Variants in TP53I13 observed in about 807,000 individuals in gnomAD.
TP53I13 encodes the protein tumor protein p53-inducible protein 13.
In TP53I13, 27 loss-of-function variants were observed where a neutral mutation model predicts 39.1. The observed-to-expected ratio is 0.69, with a 90% confidence interval of 0.51 to 0.95. The LOEUF (loss-of-function observed/expected upper bound fraction) is 0.95. Among genes scored for constraint, TP53I13 ranks in the 40% least tolerant of loss-of-function variants. TP53I13 has a pLI of 0.00. For missense variants in TP53I13, 544 were observed against 520.4 expected, an observed-to-expected ratio of 1.05 and a Z score of -0.44; for synonymous variants, 230 against 224.6, an observed-to-expected ratio of 1.02 and a Z score of -0.22.
At chr17:29,566,895 C>T (rs1227823809), upstream of TP53I13, 6 of 1,490,936 alleles carry the variant, frequency 4.0e-6, no homozygotes, top group Non-Finnish European at 5.3e-6. Flanking sequence ...GTCCCCGGAG[C>T]CGCGGGCCGA....
the TP53I13 span, chr17:29,581,684 C>T: frequency 1.4e-6 from 2 of 1,401,300 alleles, no homozygotes; most frequent in Non-Finnish European, 2.0e-6. The surrounding 1 kb of genome is among the most constrained non-coding windows in gnomAD (Gnocchi z 4.8). Flanking sequence ...GTCCAGGTCC[C>T]ACCTGCCCAG....
Position 29,572,162 on chromosome 17 carries a change from T to C in TP53I13, c.534T>C (p.Ala178=). The change falls in exon 6 of 7, where the codon GCT becomes GCC. Residue 178 remains alanine (A), a synonymous_variant. Transcript: ENST00000301057. ...GCVQALALAF[A]LRSWRPPGTE... ...CTTAGGCCCTGGCTCTGGCCTTTGC[T>C]CTGCGGAGCTGGCGGCCCCCTGGCA... 6.2e-7 allele frequency: 1 copy of C among 1,608,066 alleles called. No individual in the cohort carries two copies. The highest frequency in any genetic ancestry group is 8.5e-7 in the Non-Finnish European group (1 of 1,176,700).
At chr17:29,578,990 T>C in the TP53I13 span, 1 of 1,613,708 alleles carries the variant, frequency 6.2e-7, no homozygotes, top group African/African-American at 1.3e-5. Context: ...TGCCGAGATC[T>C]AAGTCCAGAG....
chr17:29,572,938 G>A lies in TP53I13; in HGVS notation c.*14G>A. The A allele has an allele frequency of 1.4e-6, 2 of 1,434,768 alleles. No homozygotes were observed. The highest frequency in any genetic ancestry group is 1.4e-5 in the South Asian group (1 of 71,376). 88.9% of individuals were successfully genotyped at this position (1,434,768 alleles called of 1,614,324 possible). A position where few individuals can be genotyped will look rare whatever the true frequency, so the allele number is the denominator to read the frequency against. On this transcript the variant is annotated 3_prime_UTR_variant, in exon 7 of 7. Transcript: ENST00000301057. ...AGCTCGGAGTGACGGCCTGGGACCT[G>A]CCACTGTGGCGTGCGGCTCCTCCCC...
Position 29,572,263 on chromosome 17 carries a change from G to T in TP53I13, c.635G>T (p.Gly212Val), listed in dbSNP as rs890990572. The T allele has an allele frequency of 6.2e-7, 1 of 1,612,830 alleles. No individual in the cohort carries two copies. The highest frequency in any genetic ancestry group is 8.5e-7 in the Non-Finnish European group (1 of 1,180,004). The part of the protein sequence containing the change: ...AKRRRLRAAL[G>V]PQPTRSALRF... ...AGGCGGAGGCTGCGGGCTGCCCTTG[G>T]TCCCCAGCCCACTCGCTCAGCCCTG... Residue 212 changes from glycine (G) to valine (V), a missense_variant, in exon 6 of 7, where the codon GGT (glycine) becomes GTT (valine). Physicochemically the swap from Gly to Val is moderately radical, Grantham distance 109. Transcript: ENST00000301057.
rs1338801064 is a variant in TP53I13, at chr17:29,571,936, G to A, written c.392G>A (p.Arg131Lys). The A allele has an allele frequency of 1.2e-6, 2 of 1,613,050 alleles. No homozygotes were observed. The highest frequency in any genetic ancestry group is 1.1e-5 in the South Asian group (1 of 91,082). Residue 131 changes from arginine (R) to lysine (K), a missense_variant, in exon 5 of 7, where the codon AGG (arginine) becomes AAG (lysine). Arg to Lys is a conservative substitution (Grantham distance 26). Coordinates refer to ENST00000301057, the MANE Select transcript of TP53I13 (RefSeq NM_138349.4). ...GCCTGGGCTGCCCACTGGCTGATGA[G>A]GAGGCGGAGGAGGAAGCAGAGGAAG... ...EPAWAAHWLM[R>K]RRRRKQRKKK... is the part of the protein sequence containing the mutation.
Position 29,568,778 on chromosome 17 carries a change from C to T in TP53I13, c.20C>T (p.Ser7Leu). 6.3e-7 allele frequency: 1 copy of T among 1,595,332 alleles called. No individual in the cohort carries two copies. The highest frequency in any genetic ancestry group is 8.5e-7 in the Non-Finnish European group (1 of 1,178,100). Residue 7 changes from serine to leucine, a missense_variant, in exon 1 of 7, where the codon TCG becomes TTG. Physicochemically the swap from Ser to Leu is moderately radical, Grantham distance 145 (BLOSUM62 -2). Transcript: ENST00000301057. The surrounding 1 kb of genome is among the most constrained non-coding windows in gnomAD (Gnocchi z 4.5). MAPPPP[S>L]PQLLLLAALA... Reference sequence around the variant, plus strand: ...CTTGGAATGGCGCCTCCTCCGCCTTCGCCCCAACTGCTTCTCCTGGCAGCC... The same window carrying T: ...CTTGGAATGGCGCCTCCTCCGCCTTTGCCCCAACTGCTTCTCCTGGCAGCC...
At chr17:29,567,189 A>C, upstream of TP53I13, 1 of 190,926 alleles carries the variant, frequency 5.2e-6, no homozygotes, top group Non-Finnish European at 1.0e-5. The surrounding 1 kb of genome is among the most constrained non-coding windows in gnomAD (Gnocchi z 6.6). Context: ...CAATTGCAAC[A>C]AGTGGGAGCA....
At chr17:29,578,781 T>C in the TP53I13 span, 1 of 1,614,004 alleles carries the variant, frequency 6.2e-7, no homozygotes, top group Non-Finnish European at 8.5e-7. Context: ...AAGTCAAGGC[T>C]GAGGGCAGAG....
chr17:29,570,967 T>C (rs1468952256), intron 3 of TP53I13: 1 of 152,502 alleles, frequency 6.6e-6, no homozygotes, highest in Non-Finnish European at 1.5e-5. Context: ...TCTGAATCTA[T>C]CTCTGATAAT....
intron 3 of TP53I13, 160 bp downstream of exon 3, chr17:29,569,519 C>G: frequency 1.5e-6 from 1 of 653,910 alleles, no homozygotes; most frequent in South Asian, 1.9e-5. Context: ...AAGCCCAGGA[C>G]AGATCAGCCC....
At chr17:29,569,447 G>A (rs984481085) in intron 3 of TP53I13, 88 bp downstream of exon 3, 1 of 1,343,542 alleles carries the variant, frequency 7.4e-7, no homozygotes, top group Non-Finnish European at 1.0e-6. Flanking sequence ...TCTGCTGATC[G>A]GCCCCATTCC....
At position 29,572,614 on chromosome 17, in the gene TP53I13, T is replaced by C; in HGVS notation, c.986T>C (p.Leu329Pro). 1 of 1,590,948 alleles carries C rather than the reference T, an allele frequency of 6.3e-7. No homozygotes were observed. The highest frequency in any genetic ancestry group is 1.1e-5 in the South Asian group (1 of 88,304). The change falls in exon 6 of 7, where the codon CTC becomes CCC. Residue 329 changes from leucine (L) to proline (P), a missense_variant. Transcript: ENST00000301057. ...FLLVLLTLATLCTRLHRNFRR... is the reference protein window; with the variant it reads ...FLLVLLTLATPCTRLHRNFRR... ...CTGGTGCTGCTCACCCTGGCCACGC[T>C]CTGCACACGGCTGCACAGAAACTTC...
Position 29,571,684 on chromosome 17 carries a change from T to A in TP53I13, c.277T>A (p.Ser93Thr). 1.9e-6 allele frequency: 3 copies of A among 1,614,130 alleles called. No individual in the cohort carries two copies. Among genetic ancestry groups the A allele is most frequent in the Middle Eastern group, 3.3e-4 (2 of 6,062 alleles). The change falls in exon 4 of 7, where the codon TCC (serine) becomes ACC (threonine). Residue 93 changes from serine to threonine, a missense_variant. Ser to Thr is a moderately conservative substitution (Grantham distance 58, BLOSUM62 1). Transcript: ENST00000301057. ...LLAYACMANP[S>T]LTPDFSLTQD... ...GGCCTATGCTTGTATGGCTAACCCT[T>A]CCCTCACCCCTGACTTCAGCCTCAC...
downstream of TP53I13, chr17:29,576,201 A>G: frequency 6.2e-7 from 1 of 1,606,336 alleles, no homozygotes; most frequent in Non-Finnish European, 8.5e-7. Context: ...CCACACCTTG[A>G]GACCCATAGG....
upstream of TP53I13, chr17:29,566,822 C>T (rs375177728): frequency 2.9e-5 from 44 of 1,516,458 alleles, no homozygotes; most frequent in Middle Eastern, 3.9e-4. Context: ...CCGTCCGCCT[C>T]CTCCCCGTCG....
At chr17:29,567,400 C>G (rs1430392519), upstream of TP53I13, 1 of 152,020 alleles carries the variant, frequency 6.6e-6, no homozygotes, top group Non-Finnish European at 1.5e-5. This position sits in a 1 kb window ranked among gnomAD's most constrained non-coding sequence, Gnocchi z 6.6. Flanking sequence ...TGAAAAGAAG[C>G]AGAAGGGAGA....
At chr17:29,577,455 C>T (rs1366722210), downstream of TP53I13, among the ~76,000 whole-genome samples, 5 of 152,206 alleles carry the variant, frequency 3.3e-5, no homozygotes, top group African/African-American at 1.2e-4. Context: ...GCCGGAACAC[C>T]CACCGGAGCT....
the TP53I13 span, chr17:29,578,619 T>C: frequency 9.6e-7 from 1 of 1,039,812 alleles, no homozygotes; most frequent in Non-Finnish European, 1.5e-6. Context: ...AGGGGACAGG[T>C]CAAAGACTTG....
Sources: gnomAD v4.1 joint callset for allele counts (sites outside exome capture counted in the v4.1 genomes callset) on GRCh38, gnomAD v4.1.1 for gene constraint, Gnocchi (gnomAD v3.1) non-coding constraint, MANE v1.5 for transcripts, NCBI Gene and HGNC (gene_info 2026-07-23, HGNC 2026-07-21) for gene names.